Variants in SEC14L1 observed in about 807,000 individuals in gnomAD.
SEC14L1 encodes the protein SEC14-like protein 1.
In SEC14L1, 48 loss-of-function variants were observed where a neutral mutation model predicts 85.3. That is an observed-to-expected ratio of 0.56 (90% confidence interval 0.45 to 0.72). The LOEUF is 0.72. Ranked by LOEUF, SEC14L1 falls within the 30% of genes least tolerant of loss-of-function variation. The probability of loss-of-function intolerance (pLI) is 0.00; values close to 1 mark genes in which losing one functional copy is unlikely to be tolerated. For missense variants in SEC14L1, 682 were observed against 921.4 expected, an observed-to-expected ratio of 0.74 and a Z score of 3.36; for synonymous variants, 391 against 355.5, an observed-to-expected ratio of 1.10 and a Z score of -1.12.
At chr17:77,193,388 C>G in intron 5 of SEC14L1, 33 bp from the exon 6 acceptor site, 1 of 1,558,880 alleles carries the variant, frequency 6.4e-7, no homozygotes, top group South Asian at 1.2e-5. Flanking sequence ...GTTGTCAATT[C>G]AGTCAGTGAG....
intron 3 of SEC14L1, among the ~76,000 whole-genome samples, chr17:77,111,874 CAGTT>C (rs1972056439): frequency 1.3e-5 from 2 of 152,182 alleles, no homozygotes; most frequent in South Asian, 2.1e-4. Context: ...CTTTGGGAGA[CAGTT>C]AGAAAGGCAT....
intron 3 of SEC14L1, among the ~76,000 whole-genome samples, chr17:77,148,059 G>C (rs767155710): frequency 6.7e-6 from 1 of 148,532 alleles, no homozygotes; most frequent in Non-Finnish European, 1.5e-5. Flanking sequence ...TTGAGTTGAA[G>C]TGTTTCTTTT....
At chr17:77,099,060 C>G (rs1971708774) in intron 3 of SEC14L1, 1 of 151,876 alleles carries the variant, frequency 6.6e-6, no homozygotes, top group African/African-American at 2.4e-5. Flanking sequence ...CTTTTTATTG[C>G]AATGGTAATG....
intron 3 of SEC14L1, among the ~76,000 whole-genome samples, chr17:77,190,436 C>T (rs557745707): frequency 2.6e-5 from 4 of 152,028 alleles, no homozygotes; most frequent in Admixed American, 2.0e-4. Context: ...AGCCTTAATA[C>T]CGGGGTGACT....
At chr17:77,185,170 C>A in intron 3 of SEC14L1, 1 of 979,600 alleles carries the variant, frequency 1.0e-6, no homozygotes, top group Non-Finnish European at 1.2e-6. Context: ...CATTGAAGTC[C>A]TCGTTCTCCT....
chr17:77,195,081 C>T (rs1459431605), intron 7 of SEC14L1, 170 bp downstream of exon 7: 3 of 582,990 alleles, frequency 5.1e-6, no homozygotes, highest in African/African-American at 1.9e-5. Context: ...GTAATACATT[C>T]ATTTTACCTT....
chr17:77,128,822 A>G (rs919920795), intron 3 of SEC14L1, among the ~76,000 whole-genome samples: 4 of 152,040 alleles, frequency 2.6e-5, no homozygotes, highest in Middle Eastern at 3.2e-3. Context: ...GTTGTGCCCA[A>G]CTAAGCCAGA....
intron 10 of SEC14L1, among the ~76,000 whole-genome samples, chr17:77,204,017 G>A (rs909380624): frequency 2.0e-5 from 3 of 152,014 alleles, no homozygotes; most frequent in East Asian, 1.9e-4. Flanking sequence ...AGCTCTTGGC[G>A]TCTTTCTCCA....
chr17:77,137,546 C>G (rs1387992018), upstream of SEC14L1, among the ~76,000 whole-genome samples: 1 of 152,222 alleles, frequency 6.6e-6, no homozygotes, highest in African/African-American at 2.4e-5. Flanking sequence ...ACCTCCAACA[C>G]TGTGGATTAC....
At chr17:77,173,391 C>T (rs1413179546) in intron 3 of SEC14L1, among the ~76,000 whole-genome samples, 2 of 140,764 alleles carry the variant, frequency 1.4e-5, no homozygotes, top group Non-Finnish European at 3.1e-5. Flanking sequence ...AGGGCGGCTG[C>T]CTGAGGGGGA....
chr17:77,120,324 G>A (rs1972264630), intron 3 of SEC14L1, among the ~76,000 whole-genome samples: 1 of 152,158 alleles, frequency 6.6e-6, no homozygotes, highest in Non-Finnish European at 1.5e-5. Flanking sequence ...AGCTCAGCTA[G>A]GGATTTCCTG....
chr17:77,161,854 TCCCTCCCCTC>T (rs375878692), intron 3 of SEC14L1, among the ~76,000 whole-genome samples: 399 of 151,116 alleles, frequency 2.6e-3, no homozygotes, highest in African/African-American at 9.4e-3. Flanking sequence ...TTGTTTCCCT[TCCCTCCCCTC>T]CCCTCCCCTC....
upstream of SEC14L1, among the ~76,000 whole-genome samples, chr17:77,136,782 G>A (rs139685596): frequency 6.0e-4 from 91 of 152,272 alleles, 1 homozygote; most frequent in East Asian, 0.015. Context: ...TGGCAAAGTA[G>A]CAACACAGAA....
In SEC14L1 at chr17:77,205,720, A is replaced by G. The variant is rs190569858; in HGVS notation, c.1169+374A>G. On this transcript the variant is annotated intron_variant, in intron 11 of 16. Transcript: ENST00000436233. ...TTTAGTGATTCAGAGGTTGACATTG[A>G]TAAGGGTGTAGATGGTTCACTGGGA... Among the ~76,000 whole-genome samples, 8 of 152,342 alleles carry G rather than the reference A, an allele frequency of 5.3e-5. No individual in the cohort carries two copies. The East Asian group carries it at 1.5e-3, about 29-fold the overall frequency.
Position 77,214,719 on chromosome 17 carries a change from T to C in SEC14L1, c.*696T>C, listed in dbSNP as rs973013787. On this transcript the variant is annotated 3_prime_UTR_variant, in exon 17 of 17. Coordinates refer to ENST00000436233, the MANE Select transcript of SEC14L1 (RefSeq NM_001143998.2). Reference sequence around the variant, plus strand: ...TAAACATTACTTTCTCTTTCCTCCTTTTCAAATCTTTTTGATACTTTTTAG... The same window carrying C: ...TAAACATTACTTTCTCTTTCCTCCTCTTCAAATCTTTTTGATACTTTTTAG... 46 of 985,416 alleles carry C rather than the reference T, an allele frequency of 4.7e-5. No individual in the cohort carries two copies. The highest frequency in any genetic ancestry group is 4.7e-5 in the South Asian group (1 of 21,296). 61.0% of individuals were successfully genotyped at this position (985,416 alleles called of 1,614,324 possible). A position where few individuals can be genotyped will look rare whatever the true frequency, so the allele number is the denominator to read the frequency against.
At chr17:77,102,503 T>C (rs976999177) in intron 3 of SEC14L1, among the ~76,000 whole-genome samples, 6 of 148,582 alleles carry the variant, frequency 4.0e-5, no homozygotes, top group Non-Finnish European at 7.5e-5. Context: ...CTCTTCTTTT[T>C]TCTTTTTTTC....
intron 3 of SEC14L1, among the ~76,000 whole-genome samples, chr17:77,117,062 G>T (rs563510381): frequency 6.6e-6 from 1 of 152,318 alleles, no homozygotes; most frequent in South Asian, 2.1e-4. Flanking sequence ...TAAATGCAAT[G>T]GAAGGCCGGG....
chr17:77,132,226 ATTTTT>A (rs1333203539), intron 3 of SEC14L1, among the ~76,000 whole-genome samples: 2 of 133,376 alleles, frequency 1.5e-5, no homozygotes. Context: ...TCTGCATGGA[ATTTTT>A]TTTTTTTTTT....
chr17:77,125,260 G>A (rs560030650), intron 3 of SEC14L1, among the ~76,000 whole-genome samples: 2 of 152,096 alleles, frequency 1.3e-5, no homozygotes, highest in African/African-American at 4.8e-5. Flanking sequence ...GCCTCCCAAA[G>A]TGCTGGGATT....
Sources: allele counts gnomAD v4.1 joint callset (sites outside exome capture counted in the v4.1 genomes callset), GRCh38; gene constraint gnomAD v4.1.1; transcripts MANE v1.5; gene names NCBI Gene and HGNC (gene_info 2026-07-23, HGNC 2026-07-21).